Variants in DEPDC1B observed in about 807,000 individuals in gnomAD.
The protein encoded by DEPDC1B is DEP domain-containing protein 1B.
A neutral mutation model predicts 66.5 loss-of-function variants in DEPDC1B; 51 were observed. That is an observed-to-expected ratio of 0.77 (90% confidence interval 0.61 to 0.97). DEPDC1B has a LOEUF of 0.97. Ranked by LOEUF, DEPDC1B falls within the 50% of genes least tolerant of loss-of-function variation. The probability of loss-of-function intolerance (pLI) is 0.00; values close to 1 mark genes in which losing one functional copy is unlikely to be tolerated. For synonymous variants in DEPDC1B, 226 were observed against 223.6 expected (o/e 1.01, Z -0.10); for missense variants, 552 against 637.1 (o/e 0.87, Z 1.44).
At chr5:60,612,622 G>C (rs4346735) in intron 7 of DEPDC1B, among the ~76,000 whole-genome samples, 1 of 148,938 alleles carries the variant, frequency 6.7e-6, no homozygotes, top group Non-Finnish European at 1.5e-5. Context: ...CTGCAGGGAA[G>C]TGACCTAGTT....
intron 1 of DEPDC1B, among the ~76,000 whole-genome samples, chr5:60,698,165 G>T (rs529856016): frequency 6.6e-6 from 1 of 152,230 alleles, no homozygotes; most frequent in Admixed American, 6.5e-5. Context: ...CCTCCCTAAA[G>T]TTAGACTTAT....
intron 7 of DEPDC1B, among the ~76,000 whole-genome samples, chr5:60,635,115 T>C (rs1232209351): frequency 6.7e-6 from 1 of 148,774 alleles, no homozygotes. Flanking sequence ...TGAGAGCAGA[T>C]AGCACCATTG....
At chr5:60,599,613 A>G (rs2111696828) in intron 9 of DEPDC1B, among the ~76,000 whole-genome samples, 1 of 152,310 alleles carries the variant, frequency 6.6e-6, no homozygotes, top group South Asian at 2.1e-4. Context: ...CCATGCTGGA[A>G]GGTTGTCCGT....
At chr5:60,656,133 T>C (rs1206086941) in intron 2 of DEPDC1B, among the ~76,000 whole-genome samples, 2 of 151,794 alleles carry the variant, frequency 1.3e-5, no homozygotes, top group Non-Finnish European at 2.9e-5. Flanking sequence ...CTTAAGTCCA[T>C]TTGTCCTAAG....
At chr5:60,673,995 A>G (rs1754102785) in intron 2 of DEPDC1B, among the ~76,000 whole-genome samples, 1 of 152,212 alleles carries the variant, frequency 6.6e-6, no homozygotes, top group Admixed American at 6.5e-5. Flanking sequence ...CTACTGCTCA[A>G]GGTCACCACC....
At chr5:60,626,305 T>C (rs1363212135) in intron 7 of DEPDC1B, among the ~76,000 whole-genome samples, 1 of 152,206 alleles carries the variant, frequency 6.6e-6, no homozygotes, top group Non-Finnish European at 1.5e-5. Context: ...TATACTACAT[T>C]TTACTGCTTC....
chr5:60,641,516 C>T lies in DEPDC1B; in HGVS notation c.757+1296G>A, dbSNP rs549896852. Among the ~76,000 whole-genome samples the T allele has an allele frequency of 5.3e-5, 8 of 151,996 alleles. No individual in the cohort carries two copies. In the East Asian group the frequency reaches 5.8e-4, roughly 11 times the overall value. On this transcript the variant is annotated intron_variant, in intron 6 of 10. Transcript: ENST00000265036. ...ATTTTTTTTGTATTTTTAGTAGAGA[C>T]GGAGTTTCACCATGTTAGCCAGGAT...
intron 1 of DEPDC1B, among the ~76,000 whole-genome samples, chr5:60,694,165 T>C (rs563144957): frequency 2.1e-4 from 32 of 152,276 alleles, no homozygotes; most frequent in African/African-American, 6.7e-4. Flanking sequence ...TACAGACACA[T>C]AGACAGAATT....
intron 2 of DEPDC1B, among the ~76,000 whole-genome samples, chr5:60,661,506 A>G (rs1753715031): frequency 1.3e-5 from 2 of 152,206 alleles, no homozygotes; most frequent in Admixed American, 6.5e-5. Flanking sequence ...TGTATTCTGG[A>G]GAATTCAGCC....
At chr5:60,657,205 GA>G (rs1753598344) in intron 2 of DEPDC1B, among the ~76,000 whole-genome samples, 1 of 152,136 alleles carries the variant, frequency 6.6e-6, no homozygotes, top group African/African-American at 2.4e-5. Context: ...TGAGTCTCTT[GA>G]AAATAACAGA....
intron 1 of DEPDC1B, among the ~76,000 whole-genome samples, chr5:60,693,465 G>A (rs1754590166): frequency 6.6e-6 from 1 of 152,154 alleles, no homozygotes. Flanking sequence ...GATCAAATGA[G>A]ATCATGACTA....
In DEPDC1B at chr5:60,638,896, T is replaced by C. The variant is rs1753121943; in HGVS notation, c.758-6A>G. The C allele has an allele frequency of 1.9e-6, 3 of 1,604,690 alleles. No homozygotes were observed. Among genetic ancestry groups the C allele is most frequent in the Non-Finnish European group, 2.5e-6 (3 of 1,177,562 alleles). On this transcript the variant is annotated splice_region_variant and splice_polypyrimidine_tract_variant and intron_variant, in intron 6 of 10. Transcript: ENST00000265036. Reference sequence around the variant, plus strand: ...CAAATCAGAACAGTTGGGCCCTATTTTCAAAAAGAGAGTGAAAGAGAAACA... The same window carrying C: ...CAAATCAGAACAGTTGGGCCCTATTCTCAAAAAGAGAGTGAAAGAGAAACA...
chr5:60,615,964 C>T (rs1166359261), intron 7 of DEPDC1B, among the ~76,000 whole-genome samples: 3 of 152,208 alleles, frequency 2.0e-5, no homozygotes, highest in Non-Finnish European at 4.4e-5. Flanking sequence ...AACGATCAGG[C>T]AGCAACATTT....
intron 1 of DEPDC1B, among the ~76,000 whole-genome samples, chr5:60,698,609 T>C (rs1561398303): frequency 6.6e-6 from 1 of 151,834 alleles, no homozygotes; most frequent in Non-Finnish European, 1.5e-5. Context: ...GATGAGCAAA[T>C]AAAATGCTTG....
At chr5:60,635,768 T>G (rs1177371678) in intron 7 of DEPDC1B, among the ~76,000 whole-genome samples, 3 of 152,216 alleles carry the variant, frequency 2.0e-5, no homozygotes, top group African/African-American at 7.2e-5. Flanking sequence ...CTGCCAGATC[T>G]TCTAAATTTT....
At chr5:60,647,047 A>G (rs1009780678) in intron 3 of DEPDC1B, among the ~76,000 whole-genome samples, 3 of 152,132 alleles carry the variant, frequency 2.0e-5, no homozygotes, top group Non-Finnish European at 2.9e-5. Flanking sequence ...TATAAATAAA[A>G]TGCACAATAA....
chr5:60,670,279 A>C (rs1754004739), intron 2 of DEPDC1B, among the ~76,000 whole-genome samples: 1 of 152,190 alleles, frequency 6.6e-6, no homozygotes, highest in Non-Finnish European at 1.5e-5. Flanking sequence ...AGCTACTATG[A>C]GGCTAAGGCA....
chr5:60,621,438 G>A (rs186128851), intron 7 of DEPDC1B, among the ~76,000 whole-genome samples: 32 of 151,802 alleles, frequency 2.1e-4, no homozygotes, highest in Admixed American at 3.9e-4. Context: ...GCAAACTATC[G>A]CAGGGACAAA....
intron 1 of DEPDC1B, among the ~76,000 whole-genome samples, chr5:60,694,873 T>C (rs1316390164): frequency 6.6e-6 from 1 of 152,216 alleles, no homozygotes; most frequent in Admixed American, 6.5e-5. Context: ...TTTTGTTATA[T>C]GTTACAAATG....
Sources: gnomAD v4.1 joint callset for allele counts (sites outside exome capture counted in the v4.1 genomes callset) on GRCh38, gnomAD v4.1.1 for gene constraint, MANE v1.5 for transcripts, NCBI Gene and HGNC (gene_info 2026-07-23, HGNC 2026-07-21) for gene names.